The following TANC2 variants were observed in gnomAD, a reference collection of about 807,000 sequenced individuals.
The protein encoded by TANC2 is protein TANC2.
In TANC2, 26 loss-of-function variants were observed where a neutral mutation model predicts 210.5. The ratio of observed to expected loss-of-function variants is 0.12; its 90% confidence interval spans 0.09 to 0.17. The LOEUF is 0.17. Ranked by LOEUF, TANC2 falls within the 10% of genes least tolerant of loss-of-function variation. The pLI, the probability that TANC2 is intolerant of heterozygous loss-of-function variation, is 1.00. For missense variants in TANC2, 2,129 were observed against 2,608.9 expected, an observed-to-expected ratio of 0.82 and a Z score of 4.01; for synonymous variants, 931 against 967.1, an observed-to-expected ratio of 0.96 and a Z score of 0.69.
At chr17:63,151,214 C>G in intron 4 of TANC2, 56 bp from the exon 5 acceptor site, 1 of 833,782 alleles carries the variant, frequency 1.2e-6, no homozygotes, top group Non-Finnish European at 1.4e-6. Flanking sequence ...CTTTCTCTTT[C>G]TTTCTCTCTT....
At chr17:63,087,926 A>AT (rs1416959310) in intron 3 of TANC2, among the ~76,000 whole-genome samples, 1 of 152,126 alleles carries the variant, frequency 6.6e-6, no homozygotes, top group Admixed American at 6.5e-5. Context: ...AGAGTTGTTG[A>AT]TTTTTCAACG....
At chr17:63,056,570 TC>T in intron 2 of TANC2, among the ~76,000 whole-genome samples, 1 of 151,992 alleles carries the variant, frequency 6.6e-6, no homozygotes, top group Non-Finnish European at 1.5e-5. Flanking sequence ...TCCCAGCTAC[TC>T]CAGAGGTTTA....
At chr17:63,021,738 G>A (rs72843167) in intron 2 of TANC2, among the ~76,000 whole-genome samples, 21,161 of 152,178 alleles carry the variant, frequency 0.14, 1,912 homozygotes, top group Middle Eastern at 0.21. Context: ...AGATTGTAGA[G>A]GGAAGAATTT....
intron 8 of TANC2, among the ~76,000 whole-genome samples, chr17:63,243,244 T>C (rs1474158112): frequency 1.3e-5 from 2 of 152,206 alleles, no homozygotes; most frequent in Non-Finnish European, 2.9e-5. Flanking sequence ...ACATTGATGG[T>C]GGGAGTATGT....
intron 7 of TANC2, among the ~76,000 whole-genome samples, chr17:63,201,160 A>G (rs997308586): frequency 2.6e-5 from 4 of 152,102 alleles, no homozygotes; most frequent in African/African-American, 9.7e-5. Context: ...ACCACTCCTT[A>G]TCAGGATATT....
intron 11 of TANC2, among the ~76,000 whole-genome samples, chr17:63,324,135 A>G (rs775204667): frequency 6.6e-5 from 10 of 152,230 alleles, no homozygotes; most frequent in African/African-American, 1.7e-4. Flanking sequence ...TTTTTATGCA[A>G]CTAGAATCTC....
chr17:63,228,287 A>G (rs759180514), intron 7 of TANC2, among the ~76,000 whole-genome samples: 7 of 152,080 alleles, frequency 4.6e-5, no homozygotes, highest in Non-Finnish European at 7.4e-5. Context: ...TCCATGGTCT[A>G]TGTGTCTGTT....
intron 2 of TANC2, among the ~76,000 whole-genome samples, chr17:63,011,976 C>A (rs2033893949): frequency 6.8e-6 from 1 of 147,294 alleles, no homozygotes; most frequent in South Asian, 2.1e-4. Flanking sequence ...TCTCTCCTAT[C>A]TTTCTTTTTC....
chr17:63,194,220 C>T (rs1192735734), intron 6 of TANC2, 81 bp downstream of exon 6: 3 of 1,365,514 alleles, frequency 2.2e-6, no homozygotes, highest in Non-Finnish European at 3.0e-6. Context: ...TGTTGAATGC[C>T]TTTTGAGGCC....
intron 7 of TANC2, among the ~76,000 whole-genome samples, chr17:63,221,859 CA>C (rs2042201649): frequency 6.6e-6 from 1 of 152,080 alleles, no homozygotes. Flanking sequence ...TAAAGTTCAA[CA>C]AAAATCTGCC....
chr17:63,024,738 A>G (rs1016732915), intron 2 of TANC2, among the ~76,000 whole-genome samples: 1 of 152,218 alleles, frequency 6.6e-6, no homozygotes, highest in African/African-American at 2.4e-5. Context: ...GAGAGACTTT[A>G]TAGGTGAGAT....
At chr17:63,084,326 AC>A (rs1055590937) in intron 3 of TANC2, among the ~76,000 whole-genome samples, 5 of 151,740 alleles carry the variant, frequency 3.3e-5, no homozygotes, top group Non-Finnish European at 4.4e-5. Flanking sequence ...CTGTGGTGAT[AC>A]CCCTCTTTCA....
At chr17:63,255,960 C>T (rs1285929778) in intron 8 of TANC2, among the ~76,000 whole-genome samples, 2 of 136,676 alleles carry the variant, frequency 1.5e-5, no homozygotes, top group Non-Finnish European at 3.0e-5. Flanking sequence ...GGCTGGAGTG[C>T]AGTGGTGTGA....
chr17:63,394,790 T>C (rs779155670), intron 17 of TANC2, among the ~76,000 whole-genome samples: 1 of 152,266 alleles, frequency 6.6e-6, no homozygotes, highest in Non-Finnish European at 1.5e-5. Flanking sequence ...ATTTATTGTA[T>C]ACTCCTTTGT....
chr17:63,282,709 T>C (rs2044096547), intron 9 of TANC2, among the ~76,000 whole-genome samples: 1 of 152,074 alleles, frequency 6.6e-6, no homozygotes, highest in Non-Finnish European at 1.5e-5. Context: ...GGTCAATCTT[T>C]TAAACTTTTG....
At chr17:63,378,564 A>T (rs569345718) in intron 14 of TANC2, among the ~76,000 whole-genome samples, 212 of 152,344 alleles carry the variant, frequency 1.4e-3, no homozygotes, top group South Asian at 5.2e-3. Flanking sequence ...AGCTGACCAC[A>T]TGATTTGCAA....
chr17:63,240,117 C>G (rs2042734796), intron 8 of TANC2, among the ~76,000 whole-genome samples: 1 of 152,126 alleles, frequency 6.6e-6, no homozygotes, highest in South Asian at 2.1e-4. Flanking sequence ...TCCAGGCAAG[C>G]CTGAGTCTTT....
chr17:63,198,910 G>A (rs562092902), intron 6 of TANC2, among the ~76,000 whole-genome samples: 1 of 152,288 alleles, frequency 6.6e-6, no homozygotes, highest in African/African-American at 2.4e-5. Context: ...GGATACGTTT[G>A]AGAGCTTACT....
chr17:63,208,866 A>C (rs1020006163), intron 7 of TANC2, among the ~76,000 whole-genome samples: 2 of 152,170 alleles, frequency 1.3e-5, no homozygotes, highest in Non-Finnish European at 2.9e-5. Context: ...ACTGCAGCAA[A>C]GTCTCTTATT....
Sources: gnomAD v4.1 joint callset for allele counts (sites outside exome capture counted in the v4.1 genomes callset) on GRCh38, gnomAD v4.1.1 for gene constraint, MANE v1.5 for transcripts, NCBI Gene and HGNC (gene_info 2026-07-23, HGNC 2026-07-21) for gene names.